Variants in NIN observed in about 807,000 individuals in gnomAD.
NIN encodes the protein ninein, also known as glycogen synthase kinase 3 beta-interacting protein.
A neutral mutation model predicts 257.6 loss-of-function variants in NIN; 137 were observed. That is an observed-to-expected ratio of 0.53 (90% confidence interval 0.46 to 0.61). The LOEUF is 0.61. Ranked by LOEUF, NIN falls within the 20% of genes least tolerant of loss-of-function variation. The pLI is 0.00. For missense variants in NIN, 2,439 were observed against 2,501.2 expected (o/e 0.98, Z 0.53); for synonymous variants, 918 against 919.8 (o/e 1.00, Z 0.04).
At chr14:50,744,405 A>G in intron 22 of NIN, 40 bp from the exon 23 acceptor site, 1 of 1,597,590 alleles carries the variant, frequency 6.3e-7, no homozygotes, top group Non-Finnish European at 8.6e-7. Flanking sequence ...ATCACATCTC[A>G]TGGCTGTAAG....
Position 50,719,998 on chromosome 14 carries a change from A to G in NIN, c.*3465T>C. The G allele has an allele frequency of 4.6e-6, 1 of 217,246 alleles. No individual in the cohort carries two copies. The highest frequency in any genetic ancestry group is 9.3e-6 in the Non-Finnish European group (1 of 107,782). The allele number at this position is 217,246 out of a possible 1,614,324, so 13.5% of individuals were successfully genotyped here. On this transcript the variant is annotated 3_prime_UTR_variant, in exon 31 of 31. Coordinates refer to ENST00000530997, the MANE Select transcript of NIN (RefSeq NM_020921.4). ...TCCTTCACAAACCAATGTTCCCTTA[A>G]GTCATGCCATGATAATGTCTCCCCA...
At chr14:50,741,859 G>T in intron 24 of NIN, 131 bp from the exon 25 acceptor site, 2 of 976,528 alleles carry the variant, frequency 2.0e-6, no homozygotes, top group Non-Finnish European at 3.0e-6. Flanking sequence ...CAGCTTTCTT[G>T]TCAGTAGCTC....
chr14:50,742,994 C>T (rs762472393), intron 24 of NIN, among the ~76,000 whole-genome samples: 3 of 152,136 alleles, frequency 2.0e-5, no homozygotes, highest in South Asian at 2.1e-4. Context: ...GATGGAGTCT[C>T]GCTCTGTCGT....
intron 5 of NIN, among the ~76,000 whole-genome samples, chr14:50,787,087 C>T (rs1271498970): frequency 6.6e-6 from 1 of 152,202 alleles, no homozygotes; most frequent in Non-Finnish European, 1.5e-5. Context: ...CAGGTCCTCA[C>T]TTAAACCACA....
At chr14:50,792,959 C>T (rs997861475) in intron 4 of NIN, 78 bp from the exon 5 acceptor site, 11 of 1,464,088 alleles carry the variant, frequency 7.5e-6, no homozygotes, top group South Asian at 7.2e-5. Context: ...CCATCGGACA[C>T]AGCCTCTTAT....
intron 4 of NIN, among the ~76,000 whole-genome samples, chr14:50,802,557 T>A (rs2044146115): frequency 1.3e-5 from 2 of 152,218 alleles, no homozygotes; most frequent in African/African-American, 4.8e-5. Context: ...AGATATACTA[T>A]GCATTTGTCC....
chr14:50,779,674 C>G (rs12432544), intron 5 of NIN, among the ~76,000 whole-genome samples: 4 of 151,754 alleles, frequency 2.6e-5, no homozygotes, highest in African/African-American at 9.7e-5. Context: ...AGGAGAATGG[C>G]GTGAACCCGG....
At chr14:50,815,622 A>G (rs2044856648) in intron 3 of NIN, among the ~76,000 whole-genome samples, 1 of 152,260 alleles carries the variant, frequency 6.6e-6, no homozygotes, top group African/African-American at 2.4e-5. Flanking sequence ...TCACAATAGC[A>G]AAGACACTGA....
intron 7 of NIN, among the ~76,000 whole-genome samples, chr14:50,775,027 C>T (rs1199952516): frequency 3.9e-5 from 6 of 152,100 alleles, no homozygotes; most frequent in Admixed American, 3.3e-4. Context: ...CCCAAACACT[C>T]AAAGAGGCCC....
rs2042774918 is a variant in NIN, at chr14:50,772,486, C to T, written c.814-18G>A. 6.2e-7 allele frequency: 1 copy of T among 1,612,966 alleles called. No homozygotes were observed. The highest frequency in any genetic ancestry group is 2.2e-5 in the East Asian group (1 of 44,858). ...TCGAAAGACTGGAAGGAGGAAGAGA[C>T]TTGAGTAAGCCTAGCTTGATTCCAG... On this transcript the variant is annotated intron_variant, in intron 8 of 30. Coordinates refer to ENST00000530997, the MANE Select transcript of NIN (RefSeq NM_020921.4).
chr14:50,789,090 C>T (rs1307815508), intron 5 of NIN, among the ~76,000 whole-genome samples: 1 of 152,208 alleles, frequency 6.6e-6, no homozygotes, highest in Non-Finnish European at 1.5e-5. Context: ...GGCTCCAGAT[C>T]CCCATCTTAT....
At chr14:50,778,355 G>A (rs777861555) in intron 6 of NIN, among the ~76,000 whole-genome samples, 4 of 152,040 alleles carry the variant, frequency 2.6e-5, no homozygotes, top group Non-Finnish European at 5.9e-5. Context: ...TTTTAGTAGA[G>A]ACGGGGTATG....
intron 7 of NIN, among the ~76,000 whole-genome samples, chr14:50,774,854 C>T (rs1026790676): frequency 7.2e-5 from 11 of 152,090 alleles, no homozygotes; most frequent in African/African-American, 2.2e-4. Flanking sequence ...AAGACGGGGC[C>T]GGGGCTAGGC....
At chr14:50,775,787 CCAAG>C (rs1347449611) in intron 7 of NIN, among the ~76,000 whole-genome samples, 1 of 151,848 alleles carries the variant, frequency 6.6e-6, no homozygotes, top group African/African-American at 2.4e-5. Context: ...CAAAAACAAC[CCAAG>C]GTTCTACATA....
chr14:50,805,605 T>C (rs533883779), intron 4 of NIN, among the ~76,000 whole-genome samples: 7 of 152,302 alleles, frequency 4.6e-5, no homozygotes, highest in Admixed American at 1.3e-4. Flanking sequence ...GGGTGAGAAA[T>C]GAGCTCCCAT....
At chr14:50,775,287 C>T (rs1384131655) in intron 7 of NIN, among the ~76,000 whole-genome samples, 3 of 152,044 alleles carry the variant, frequency 2.0e-5, no homozygotes, top group South Asian at 2.1e-4. Flanking sequence ...GATTCGGCAT[C>T]GGGCATGCTG....
intron 25 of NIN, among the ~76,000 whole-genome samples, chr14:50,741,343 T>C: frequency 6.6e-6 from 1 of 152,162 alleles, no homozygotes; most frequent in East Asian, 1.9e-4. Context: ...TAAACTACAG[T>C]GGCAGAGGGT....
At chr14:50,727,720 G>A (rs1417504889) in intron 29 of NIN, 1 of 1,434,336 alleles carries the variant, frequency 7.0e-7, no homozygotes, top group East Asian at 3.1e-5. Context: ...GTAGGAATCT[G>A]CGTGCACTGC....
chr14:50,830,192 G>T (rs1486449428), intron 2 of NIN, among the ~76,000 whole-genome samples: 1 of 152,206 alleles, frequency 6.6e-6, no homozygotes, highest in Non-Finnish European at 1.5e-5. Flanking sequence ...CTGCTCCCTC[G>T]GGGACTCAAG....
Sources: allele counts gnomAD v4.1 joint callset (sites outside exome capture counted in the v4.1 genomes callset), GRCh38; gene constraint gnomAD v4.1.1; transcripts MANE v1.5; gene names NCBI Gene and HGNC (gene_info 2026-07-23, HGNC 2026-07-21).